Variants in MKLN1 observed in about 807,000 individuals in gnomAD.
The protein encoded by MKLN1 is muskelin 1.
Under a neutral mutation model 99.0 loss-of-function variants are expected in MKLN1, and 18 were observed. The observed-to-expected ratio is 0.18, with a 90% CI of 0.13 to 0.27. MKLN1 has a LOEUF of 0.27. Among genes scored for constraint, MKLN1 ranks in the 10% least tolerant of loss-of-function variants. The probability of loss-of-function intolerance (pLI) is 1.00; values close to 1 mark genes in which losing one functional copy is unlikely to be tolerated. For synonymous variants in MKLN1, 288 were observed against 293.2 expected (o/e 0.98, Z 0.18); for missense variants, 621 against 875.9 (o/e 0.71, Z 3.67).
intron 1 of MKLN1, among the ~76,000 whole-genome samples, chr7:131,330,127 G>A (rs1799027625): frequency 6.6e-6 from 1 of 152,168 alleles, no homozygotes; most frequent in South Asian, 2.1e-4. Flanking sequence ...ACTTCTATAA[G>A]CAAGCAAGGA....
intron 3 of MKLN1, among the ~76,000 whole-genome samples, chr7:131,256,314 T>G (rs1177407962): frequency 2.0e-5 from 3 of 152,228 alleles, no homozygotes; most frequent in Non-Finnish European, 4.4e-5. Flanking sequence ...TTACTGACTT[T>G]GCAAGAAACA....
chr7:131,444,767 AGTAGTAGTAGTAGT>A (rs1795955561), intron 11 of MKLN1, among the ~76,000 whole-genome samples: 2 of 17,548 alleles, frequency 1.1e-4, no homozygotes, highest in South Asian at 2.1e-3. Context: ...TAGAAGAAGT[AGTAGTAGTAGTAGT>A]AGTAGTAGTA....
intron 3 of MKLN1, among the ~76,000 whole-genome samples, chr7:131,319,356 CAATA>C (rs1364939245): frequency 6.6e-6 from 1 of 152,164 alleles, no homozygotes; most frequent in Non-Finnish European, 1.5e-5. Flanking sequence ...ACGATTATCT[CAATA>C]GATACAGAAA....
At chr7:131,211,765 G>T (rs1796909544) in intron 3 of MKLN1, among the ~76,000 whole-genome samples, 1 of 152,044 alleles carries the variant, frequency 6.6e-6, no homozygotes, top group South Asian at 2.1e-4. Context: ...TTAAAAGATG[G>T]GTGATTACTC....
At chr7:131,299,814 T>C (rs1167961229) in intron 3 of MKLN1, among the ~76,000 whole-genome samples, 1 of 152,200 alleles carries the variant, frequency 6.6e-6, no homozygotes, top group Admixed American at 6.5e-5. Context: ...TTTCTAGGAT[T>C]TGACATTTTC....
intron 3 of MKLN1, among the ~76,000 whole-genome samples, chr7:131,310,937 TATAA>T (rs1426247967): frequency 6.6e-6 from 1 of 151,664 alleles, no homozygotes; most frequent in Non-Finnish European, 1.5e-5. Flanking sequence ...TGTTATAAAG[TATAA>T]ATAAATAGCT....
chr7:131,405,133 T>G (rs1480804334), intron 6 of MKLN1, among the ~76,000 whole-genome samples: 1 of 152,204 alleles, frequency 6.6e-6, no homozygotes, highest in African/African-American at 2.4e-5. Flanking sequence ...AATTTCAAAT[T>G]TATGGGTATT....
At chr7:131,208,562 G>A (rs1268085926) in intron 3 of MKLN1, among the ~76,000 whole-genome samples, 3 of 152,148 alleles carry the variant, frequency 2.0e-5, no homozygotes, top group Non-Finnish European at 4.4e-5. Context: ...TGGCACCACT[G>A]CACTCCAGCC....
chr7:131,417,835 G>A (rs148492128), intron 8 of MKLN1, among the ~76,000 whole-genome samples: 2 of 152,078 alleles, frequency 1.3e-5, no homozygotes, highest in Non-Finnish European at 2.9e-5. Context: ...CGTTAGTTAC[G>A]TCTGGTGGTA....
intron 3 of MKLN1, among the ~76,000 whole-genome samples, chr7:131,204,557 T>C (rs28668071): frequency 0.073 from 11,092 of 151,980 alleles, 447 homozygotes; most frequent in African/African-American, 0.094. Flanking sequence ...TTAGGCCGGG[T>C]GCGGTGGCTC....
intron 1 of MKLN1, among the ~76,000 whole-genome samples, chr7:131,355,783 C>T (rs1279598646): frequency 2.0e-5 from 3 of 151,264 alleles, no homozygotes; most frequent in African/African-American, 7.3e-5. Context: ...GTCTCAGCCT[C>T]CCAAAGTGCT....
At chr7:131,359,521 C>G (rs997200151) in intron 1 of MKLN1, among the ~76,000 whole-genome samples, 1 of 152,094 alleles carries the variant, frequency 6.6e-6, no homozygotes, top group South Asian at 2.1e-4. Context: ...TGATGATGCT[C>G]TTCAGTTCAA....
chr7:131,478,616 T>TTTTTTAA lies in MKLN1; in HGVS notation c.2032-7_2032-6insTTTTTAA. 7.1e-7 allele frequency: 1 copy of TTTTTTAA among 1,411,346 alleles called. No individual in the cohort carries two copies. The highest frequency in any genetic ancestry group is 1.7e-5 in the South Asian group (1 of 57,500). 87.4% of individuals were successfully genotyped at this position (1,411,346 alleles called of 1,614,324 possible). On this transcript the variant is annotated splice_region_variant and splice_polypyrimidine_tract_variant and intron_variant, in intron 16 of 17. Coordinates refer to ENST00000352689, the MANE Select transcript of MKLN1 (RefSeq NM_013255.5). ...GCTTCTTTTTTTTTTTTTTTTTTTT[T>TTTTTTAA]AAACAGTTTCAGCTCCTGGCATCAG...
intron 3 of MKLN1, among the ~76,000 whole-genome samples, chr7:131,207,446 C>T (rs1433079082): frequency 6.6e-6 from 1 of 152,184 alleles, no homozygotes; most frequent in East Asian, 1.9e-4. Flanking sequence ...GATCCGCCCA[C>T]CTCGGCCTCC....
chr7:131,223,852 C>T (rs530083574), intron 3 of MKLN1, among the ~76,000 whole-genome samples: 3 of 152,112 alleles, frequency 2.0e-5, no homozygotes, highest in Admixed American at 6.5e-5. Flanking sequence ...CTCCAGCCTC[C>T]GCCTCCTGGG....
chr7:131,349,462 T>C (rs540357782), intron 1 of MKLN1, among the ~76,000 whole-genome samples: 1 of 152,248 alleles, frequency 6.6e-6, no homozygotes, highest in Non-Finnish European at 1.5e-5. Context: ...CCCAAAGTGC[T>C]GGGATTTAGG....
chr7:131,397,763 A>G (rs1046934155), intron 5 of MKLN1, among the ~76,000 whole-genome samples: 3 of 152,176 alleles, frequency 2.0e-5, no homozygotes, highest in Non-Finnish European at 2.9e-5. Flanking sequence ...ACTTGTATTC[A>G]TATAAATACT....
chr7:131,398,919 T>C (rs764636395), intron 5 of MKLN1, among the ~76,000 whole-genome samples: 84 of 152,210 alleles, frequency 5.5e-4, no homozygotes, highest in Non-Finnish European at 5.9e-5. Context: ...TATGGAGTTA[T>C]AATTTTTACA....
intron 6 of MKLN1, among the ~76,000 whole-genome samples, chr7:131,403,293 T>C (rs1018275414): frequency 1.3e-5 from 2 of 152,202 alleles, no homozygotes; most frequent in Admixed American, 1.3e-4. Flanking sequence ...AACTTTTCTT[T>C]TGCAGTTTTC....
Sources: gnomAD v4.1 joint callset for allele counts (sites outside exome capture counted in the v4.1 genomes callset) on GRCh38, gnomAD v4.1.1 for gene constraint, MANE v1.5 for transcripts, NCBI Gene and HGNC (gene_info 2026-07-23, HGNC 2026-07-21) for gene names.